Variants in KIRREL3 observed in about 807,000 individuals in gnomAD.
KIRREL3 encodes the protein kin of IRRE-like protein 3.
A neutral mutation model predicts 89.7 loss-of-function variants in KIRREL3; 36 were observed. The observed-to-expected ratio is 0.40, with a 90% CI of 0.31 to 0.53. The LOEUF is 0.53. Among genes scored for constraint, KIRREL3 ranks in the 20% least tolerant of loss-of-function variants. The pLI is 0.49. For synonymous variants in KIRREL3, 445 were observed against 441.4 expected, an observed-to-expected ratio of 1.01 and a Z score of -0.10; for missense variants, 864 against 1,056.6, an observed-to-expected ratio of 0.82 and a Z score of 2.53.
intron 1 of KIRREL3, among the ~76,000 whole-genome samples, chr11:126,711,775 C>T (rs1336145360): frequency 6.6e-6 from 1 of 152,224 alleles, no homozygotes; most frequent in Non-Finnish European, 1.5e-5. Context: ...CCAGTTCCCA[C>T]TGTGCGAGGA....
chr11:126,699,915 C>T (rs541095387), intron 1 of KIRREL3, among the ~76,000 whole-genome samples: 56 of 152,074 alleles, frequency 3.7e-4, no homozygotes, highest in South Asian at 2.1e-3. Flanking sequence ...AAAATAAGGC[C>T]GGACATGGAG....
chr11:126,884,187 G>T (rs553968990), intron 1 of KIRREL3, among the ~76,000 whole-genome samples: 1 of 152,224 alleles, frequency 6.6e-6, no homozygotes, highest in South Asian at 2.1e-4. Context: ...AAGAAGCCTG[G>T]GTCCACCCGC....
intron 1 of KIRREL3, among the ~76,000 whole-genome samples, chr11:126,922,911 T>C (rs1793667): frequency 0.72 from 108,839 of 152,024 alleles, 39,780 homozygotes; most frequent in Middle Eastern, 0.88. Flanking sequence ...AGATGGTTCT[T>C]GCCGAGGTTG....
Position 126,769,491 on chromosome 11 carries a change from C to G in KIRREL3, c.56-206579G>C, listed in dbSNP as rs1442304524. On this transcript the variant is annotated intron_variant, in intron 1 of 16. Transcript: ENST00000525144. The surrounding 1 kb of genome is among the most constrained non-coding windows in gnomAD (Gnocchi z 4.3). ...CGTGAAAACCGTGCACTCCTGTCTT[C>G]TCTCTAACAGTTAATGAGAACGATA... is the stretch of plus-strand genomic sequence containing the variant. Among the ~76,000 whole-genome samples, 1 of 152,198 alleles carries G rather than the reference C, an allele frequency of 6.6e-6. No individual in the cohort carries two copies. The highest frequency in any genetic ancestry group is 1.9e-4 in the East Asian group (1 of 5,194).
chr11:126,451,161 G>A (rs944700842), intron 7 of KIRREL3, among the ~76,000 whole-genome samples: 2 of 151,036 alleles, frequency 1.3e-5, no homozygotes, highest in Non-Finnish European at 2.9e-5. Flanking sequence ...ATGTGGGCAC[G>A]TGTGAATGTG....
At position 126,831,827 on chromosome 11, in the gene KIRREL3, A is replaced by G. The variant is rs922575388; in HGVS notation, c.55+168628T>C. Among the ~76,000 whole-genome samples, 4 of 152,320 alleles carry G rather than the reference A, an allele frequency of 2.6e-5. No homozygotes were observed. The South Asian group carries it at 6.2e-4, about 24-fold the overall frequency. ...AAACAATTTGAGGTGAGGGTTTGAC[A>G]TAACAGATGGCCAAGGGACTAATGA... On this transcript the variant is annotated intron_variant, in intron 1 of 16. Coordinates refer to ENST00000525144, the MANE Select transcript of KIRREL3 (RefSeq NM_032531.4).
At chr11:126,514,926 G>A (rs6590219) in intron 4 of KIRREL3, among the ~76,000 whole-genome samples, 50,028 of 151,926 alleles carry the variant, frequency 0.33, 8,647 homozygotes, top group Admixed American at 0.39. Context: ...GTTCTCTGTC[G>A]TCAGATTCAG....
intron 4 of KIRREL3, among the ~76,000 whole-genome samples, chr11:126,479,814 C>T (rs1218806930): frequency 2.0e-5 from 3 of 152,166 alleles, no homozygotes; most frequent in Non-Finnish European, 2.9e-5. Flanking sequence ...TTGTGTATGC[C>T]GTTTCTTTAG....
chr11:126,440,207 C>T (rs1161408377), intron 11 of KIRREL3: 5 of 688,614 alleles, frequency 7.3e-6, no homozygotes, highest in South Asian at 3.0e-5. Flanking sequence ...TGGTCAGAGC[C>T]GTTCATGTCA....
chr11:126,437,015 C>T lies in KIRREL3; in HGVS notation c.1354-6G>A, dbSNP rs587780376. On this transcript the variant is annotated splice_polypyrimidine_tract_variant and splice_region_variant and intron_variant, in intron 11 of 16. Coordinates refer to ENST00000525144, the MANE Select transcript of KIRREL3 (RefSeq NM_032531.4). Reference sequence around the variant, plus strand: ...TTCTCCTTCCAGGACCAGGCCTGCCCGGGGGCGCAGAATCAGGAGGAGACC... The same window carrying T: ...TTCTCCTTCCAGGACCAGGCCTGCCTGGGGGCGCAGAATCAGGAGGAGACC... 1.3e-6 allele frequency: 2 copies of T among 1,519,208 alleles called. No homozygotes were observed. Among genetic ancestry groups the T allele is most frequent in the South Asian group, 1.3e-5 (1 of 78,210 alleles). The allele number at this position is 1,519,208 out of a possible 1,614,324, so 94.1% of individuals were successfully genotyped here.
In KIRREL3 at chr11:126,609,734, G is replaced by A. The variant is rs909352357; in HGVS notation, c.56-46822C>T. On this transcript the variant is annotated intron_variant, in intron 1 of 16. Transcript: ENST00000525144. The surrounding 1 kb of genome is among the most constrained non-coding windows in gnomAD (Gnocchi z 5.0). Reference sequence around the variant, plus strand: ...GACAACCAGAGATTCCAGATTAATCGGTATGGGGGTGTGGCTACAAGGTTT... The same window carrying A: ...GACAACCAGAGATTCCAGATTAATCAGTATGGGGGTGTGGCTACAAGGTTT... 8.5e-5 allele frequency among the ~76,000 whole-genome samples: 13 copies of A among 152,138 alleles called. No individual in the cohort carries two copies. Among genetic ancestry groups the A allele is most frequent in the Admixed American group, 7.2e-4 (11 of 15,272 alleles).
At chr11:126,700,473 C>A (rs1244466281) in intron 1 of KIRREL3, among the ~76,000 whole-genome samples, 2 of 152,228 alleles carry the variant, frequency 1.3e-5, no homozygotes, top group Non-Finnish European at 2.9e-5. Context: ...TAGATTGGTG[C>A]AAAAGCAATT....
At chr11:126,681,578 C>T (rs1450364885) in intron 1 of KIRREL3, among the ~76,000 whole-genome samples, 7 of 151,022 alleles carry the variant, frequency 4.6e-5, no homozygotes, top group Non-Finnish European at 2.9e-5. Context: ...AGTAACTTGT[C>T]CATGTGTGTG....
chr11:126,482,241 G>A (rs1957239254), intron 4 of KIRREL3, among the ~76,000 whole-genome samples: 1 of 152,192 alleles, frequency 6.6e-6, no homozygotes, highest in South Asian at 2.1e-4. Context: ...GTTTCACCAT[G>A]TTGGCTAGGC....
chr11:126,757,889 C>T (rs534713549), intron 1 of KIRREL3, among the ~76,000 whole-genome samples: 1 of 152,302 alleles, frequency 6.6e-6, no homozygotes, highest in Non-Finnish European at 1.5e-5. Context: ...GTGATACTAG[C>T]CCCAAAGGGA....
chr11:126,703,348 AC>A lies in KIRREL3; in HGVS notation c.56-140437del. 6.6e-6 allele frequency among the ~76,000 whole-genome samples: 1 copy of A among 152,368 alleles called. No individual in the cohort carries two copies. The highest frequency in any genetic ancestry group is 1.9e-4 in the East Asian group (1 of 5,186). On this transcript the variant is annotated intron_variant, in intron 1 of 16. Transcript: ENST00000525144. This position sits in a 1 kb window ranked among gnomAD's most constrained non-coding sequence, Gnocchi z 4.6. ...TCTGCAGCAGCTTTGCTCATGGGGC[AC>A]TGGTGAGCAGCAAACAGAATCATCG...
At position 126,978,523 on chromosome 11, in the gene KIRREL3, T is replaced by C. The variant is rs1239360064; in HGVS notation, c.55+21932A>G. Among the ~76,000 whole-genome samples the C allele has an allele frequency of 2.0e-5, 3 of 152,322 alleles. No individual in the cohort carries two copies. Among genetic ancestry groups the C allele is most frequent in the Admixed American group, 6.5e-5 (1 of 15,300 alleles). ...TTTACGTGCCCTGGCCAGAAAGCTT[T>C]TTGGCTTCCAGGTCTATGCCCAGTG... On this transcript the variant is annotated intron_variant, in intron 1 of 16. Transcript: ENST00000525144. The surrounding 1 kb of genome is among the most constrained non-coding windows in gnomAD (Gnocchi z 4.2).
At chr11:126,790,568 G>C (rs1021719704) in intron 1 of KIRREL3, among the ~76,000 whole-genome samples, 1 of 152,138 alleles carries the variant, frequency 6.6e-6, no homozygotes, top group African/African-American at 2.4e-5. Context: ...ATACTTGTTA[G>C]GCAACCACCC....
intron 2 of KIRREL3, among the ~76,000 whole-genome samples, chr11:126,533,783 T>G (rs559388944): frequency 6.6e-6 from 1 of 152,296 alleles, no homozygotes; most frequent in East Asian, 1.9e-4. Context: ...TTTTCCTATC[T>G]GTGAAATGGG....
Sources: gnomAD v4.1 joint callset for allele counts (sites outside exome capture counted in the v4.1 genomes callset) on GRCh38, gnomAD v4.1.1 for gene constraint, Gnocchi (gnomAD v3.1) non-coding constraint, MANE v1.5 for transcripts, NCBI Gene and HGNC (gene_info 2026-07-23, HGNC 2026-07-21) for gene names.